The following ZNF837 variants were observed in gnomAD, a reference collection of about 807,000 sequenced individuals.
The protein encoded by ZNF837 is zinc finger protein 837.
For synonymous variants in ZNF837, 475 were observed against 365.2 expected, an observed-to-expected ratio of 1.30 and a Z score of -3.43; for missense variants, 955 against 801.7, an observed-to-expected ratio of 1.19 and a Z score of -2.31.
rs754348495 is a variant in ZNF837 at position 58,368,709 on chromosome 19, C to A, written c.624G>T (p.Trp208Cys). The change falls in exon 3 of 3, where the codon TGG becomes TGT. Residue 208 changes from tryptophan (W) to cysteine (C), a missense_variant. Transcript: ENST00000597582. ...TCTCCTGGGGGATCCGCAGGGCCCT[C>A]CACGCAAAGGCCTCGCCGCACGCGC... is the stretch of plus-strand genomic sequence containing the variant. ...RACACGEAFA[W>C]RALRIPQERL... The A allele has an allele frequency of 5.9e-5, 91 of 1,534,784 alleles. No homozygotes were observed. The highest frequency in any genetic ancestry group is 4.8e-4 in the South Asian group (40 of 83,896).
At chr19:58,377,621 C>A (rs890989449) in intron 1 of ZNF837, among the ~76,000 whole-genome samples, 1 of 152,134 alleles carries the variant, frequency 6.6e-6, no homozygotes, top group Non-Finnish European at 1.5e-5. Flanking sequence ...CTGGGCAACA[C>A]AGTGAGACCA....
chr19:58,377,532 G>A (rs942069006), intron 1 of ZNF837, among the ~76,000 whole-genome samples: 2 of 152,002 alleles, frequency 1.3e-5, no homozygotes, highest in Admixed American at 6.6e-5. Flanking sequence ...CCAGCTGTCA[G>A]GAAGCTAAGG....
chr19:58,370,295 ATCTC>A (rs2052188030), intron 1 of ZNF837, among the ~76,000 whole-genome samples: 1 of 152,096 alleles, frequency 6.6e-6, no homozygotes, highest in Admixed American at 6.6e-5. Context: ...AGACATGTTC[ATCTC>A]TCTCTTTCTG....
At chr19:58,373,000 G>A (rs962630901) in intron 1 of ZNF837, among the ~76,000 whole-genome samples, 9 of 152,224 alleles carry the variant, frequency 5.9e-5, no homozygotes, top group African/African-American at 2.2e-4. Flanking sequence ...CAGGGTGACA[G>A]TAAGGACAAG....
At chr19:58,375,078 G>A (rs2052230329) in intron 1 of ZNF837, among the ~76,000 whole-genome samples, 1 of 149,164 alleles carries the variant, frequency 6.7e-6, no homozygotes, top group Admixed American at 6.7e-5. Flanking sequence ...GGCCAACATG[G>A]TGAAACCCTG....
intron 1 of ZNF837, among the ~76,000 whole-genome samples, chr19:58,380,246 T>C (rs1395237349): frequency 6.6e-6 from 1 of 152,210 alleles, no homozygotes; most frequent in Non-Finnish European, 1.5e-5. Context: ...AAATGTCCTC[T>C]GAGTGCAGGC....
chr19:58,373,606 C>T (rs938515346), intron 1 of ZNF837, among the ~76,000 whole-genome samples: 2 of 152,234 alleles, frequency 1.3e-5, no homozygotes, highest in African/African-American at 4.8e-5. Context: ...TACTCTCTTT[C>T]TGTCCCTTCT....
intron 1 of ZNF837, among the ~76,000 whole-genome samples, chr19:58,370,390 A>G (rs1346539629): frequency 2.0e-5 from 3 of 152,176 alleles, no homozygotes. Context: ...CCAACCACAC[A>G]TAATCCAGGA....
intron 1 of ZNF837, among the ~76,000 whole-genome samples, chr19:58,372,435 G>GC (rs964059878): frequency 4.8e-4 from 73 of 151,834 alleles, no homozygotes; most frequent in South Asian, 4.1e-4. Context: ...GGGGAGTCCG[G>GC]GGGGGGCGGA....
chr19:58,378,455 G>A (rs998015538), intron 1 of ZNF837, among the ~76,000 whole-genome samples: 2 of 152,168 alleles, frequency 1.3e-5, no homozygotes, highest in African/African-American at 4.8e-5. Context: ...GCATGAGCAG[G>A]GCTAGGACCA....
At chr19:58,375,728 G>C (rs1333878329) in intron 1 of ZNF837, among the ~76,000 whole-genome samples, 1 of 150,362 alleles carries the variant, frequency 6.7e-6, no homozygotes, top group Admixed American at 6.6e-5. Flanking sequence ...TTACAGGTGT[G>C]AGCCACCTCG....
chr19:58,375,270 G>GTATATATGTA (rs2052233081), intron 1 of ZNF837, among the ~76,000 whole-genome samples: 2 of 34,856 alleles, frequency 5.7e-5, no homozygotes, highest in Admixed American at 4.7e-4. Context: ...AAAAAAAAAA[G>GTATATATGTA]TATATATATA....
intron 1 of ZNF837, among the ~76,000 whole-genome samples, chr19:58,374,107 A>C (rs1165310406): frequency 1.3e-5 from 2 of 152,332 alleles, no homozygotes; most frequent in East Asian, 3.9e-4. Context: ...GGATATAGAT[A>C]GTGCAGCTGC....
chr19:58,369,067 C>G lies in ZNF837; in HGVS notation c.266G>C (p.Arg89Pro), dbSNP rs532804356. The G allele has an allele frequency of 5.8e-5, 88 of 1,520,792 alleles. No homozygotes were observed. In the South Asian group the frequency reaches 1.1e-3, roughly 19 times the overall value. 94.2% of individuals were successfully genotyped at this position (1,520,792 alleles called of 1,614,324 possible). A position where few individuals can be genotyped will look rare whatever the true frequency, so the allele number is the denominator to read the frequency against. The change falls in exon 3 of 3, where the codon CGG (arginine) becomes CCG (proline). Residue 89 changes from arginine (R) to proline (P), a missense_variant. Physicochemically the swap from Arg to Pro is moderately radical, Grantham distance 103. Coordinates refer to ENST00000597582, the MANE Select transcript of ZNF837 (RefSeq NM_138466.2). ...RHSAGTRPLV[R>P]EPCGPTSSQN... The stretch of plus-strand genomic sequence containing the variant: ...AGAAGAGGTGGGGCCGCACGGCTCC[C>G]GCACGAGGGGTCTGGTCCCGGCGCT...
In ZNF837 at chr19:58,367,890, G is replaced by T. The variant is rs1266469108; in HGVS notation, c.1443C>A (p.Gly481=). ...GEKPYICRDC[G]KAFVRNCSLV... is the part of the protein sequence containing the mutation. ...GGCTGCAGTTGCGCACGAAGGCCTT[G>T]CCGCAGTCGCGGCAGATGTAGGGCT... Residue 481 remains glycine (G), a synonymous_variant, in exon 3 of 3, where the codon GGC becomes GGA. Coordinates refer to ENST00000597582, the MANE Select transcript of ZNF837 (RefSeq NM_138466.2). 6.5e-7 allele frequency: 1 copy of T among 1,535,170 alleles called. No individual in the cohort carries two copies. Among genetic ancestry groups the T allele is most frequent in the Non-Finnish European group, 8.7e-7 (1 of 1,144,188 alleles).
chr19:58,367,963 C>G lies in ZNF837; in HGVS notation c.1370G>C (p.Arg457Pro), dbSNP rs761101984. ...GTGCTGGCGCAGCTCGGAGCAGCCG[C>G]GGAAGGTCTTTCCGCACTCGGAGCA... ...YGCSECGKTF[R>P]GCSELRQHER... The change falls in exon 3 of 3, where the codon CGC becomes CCC. Residue 457 changes from arginine to proline, a missense_variant. By Grantham distance (103) the Arg-to-Pro change is moderately radical. Coordinates refer to ENST00000597582, the MANE Select transcript of ZNF837 (RefSeq NM_138466.2). 6.5e-7 allele frequency: 1 copy of G among 1,532,786 alleles called. No individual in the cohort carries two copies. The highest frequency in any genetic ancestry group is 8.7e-7 in the Non-Finnish European group (1 of 1,144,012). The allele number at this position is 1,532,786 out of a possible 1,614,324, so 94.9% of individuals were successfully genotyped here. A position where few individuals can be genotyped will look rare whatever the true frequency, so the allele number is the denominator to read the frequency against.
rs1437770463 is a variant in ZNF837, at chr19:58,368,034, G to T, written c.1299C>A (p.Gly433=). The T allele has an allele frequency of 6.5e-7, 1 of 1,536,642 alleles. No homozygotes were observed. The highest frequency in any genetic ancestry group is 8.7e-7 in the Non-Finnish European group (1 of 1,145,790). Residue 433 remains glycine, a synonymous_variant, in exon 3 of 3, where the codon GGC becomes GGA. Coordinates refer to ENST00000597582, the MANE Select transcript of ZNF837 (RefSeq NM_138466.2). The part of the protein sequence containing the change: ...LCEKAFKGRS[G]LVQHQRAHTG... Reference sequence around the variant, plus strand: ...TGTGCGCGCGCTGGTGTTGCACCAGGCCCGAGCGGCCCTTGAAGGCCTTTT... The same window carrying T: ...TGTGCGCGCGCTGGTGTTGCACCAGTCCCGAGCGGCCCTTGAAGGCCTTTT...
chr19:58,369,336 G>A lies in ZNF837; in HGVS notation c.-4C>T. On this transcript the variant is annotated 5_prime_UTR_variant, in exon 3 of 3. Coordinates refer to ENST00000597582, the MANE Select transcript of ZNF837 (RefSeq NM_138466.2). ...CCTTCTGGGCTGGAGCCTCCATCCT[G>A]GGGCGCAGAGTTCTGGTTGTAGGAT... 1 of 1,357,540 alleles carries A rather than the reference G, an allele frequency of 7.4e-7. No homozygotes were observed. Among genetic ancestry groups the A allele is most frequent in the South Asian group, 1.9e-5 (1 of 52,788 alleles). The allele number at this position is 1,357,540 out of a possible 1,614,324, so 84.1% of individuals were successfully genotyped here. A position where few individuals can be genotyped will look rare whatever the true frequency, so the allele number is the denominator to read the frequency against.
At position 58,378,313 on chromosome 19, in the gene ZNF837, G is replaced by T. The variant is rs553405543; in HGVS notation, c.-140+2628C>A. ...TGCCATCCCAGAAGCCCCACAGCCA[G>T]GATCTGGACCTCTCTGACACAACTC... On this transcript the variant is annotated intron_variant, in intron 1 of 2. Coordinates refer to ENST00000597582, the MANE Select transcript of ZNF837 (RefSeq NM_138466.2). 2.6e-5 allele frequency among the ~76,000 whole-genome samples: 4 copies of T among 152,216 alleles called. No individual in the cohort carries two copies. In the South Asian group the frequency reaches 8.3e-4, roughly 32 times the overall value.
Sources: allele counts gnomAD v4.1 joint callset (sites outside exome capture counted in the v4.1 genomes callset), GRCh38; gene constraint gnomAD v4.1.1; transcripts MANE v1.5; gene names NCBI Gene and HGNC (gene_info 2026-07-23, HGNC 2026-07-21).